The following LEPROTL1 variants were observed in gnomAD, a reference collection of about 807,000 sequenced individuals.
LEPROTL1 encodes the protein leptin receptor overlapping transcript-like 1.
In LEPROTL1, 6 loss-of-function variants were observed where a neutral mutation model predicts 15.4. The ratio of observed to expected loss-of-function variants is 0.39; its 90% CI spans 0.21 to 0.77. The LOEUF is 0.77. Ranked by LOEUF, LEPROTL1 falls within the 30% of genes least tolerant of loss-of-function variation. The pLI is 0.41. For synonymous variants in LEPROTL1, 56 were observed against 52.6 expected, an observed-to-expected ratio of 1.06 and a Z score of -0.28; for missense variants, 128 against 158.1, an observed-to-expected ratio of 0.81 and a Z score of 1.02.
At chr8:30,133,569 T>C (rs1803072204) in intron 4 of LEPROTL1, among the ~76,000 whole-genome samples, 1 of 152,170 alleles carries the variant, frequency 6.6e-6, no homozygotes, top group Non-Finnish European at 1.5e-5. Context: ...TGGGAAATTT[T>C]ACTTTAACAG....
chr8:30,121,958 G>T (rs750950860), intron 3 of LEPROTL1, among the ~76,000 whole-genome samples: 5 of 152,028 alleles, frequency 3.3e-5, no homozygotes, highest in Admixed American at 1.3e-4. Flanking sequence ...TTGAAGTCAG[G>T]AGTTCGAGAC....
downstream of LEPROTL1, among the ~76,000 whole-genome samples, chr8:30,108,995 C>A (rs1388373707): frequency 6.6e-6 from 1 of 152,100 alleles, no homozygotes; most frequent in Non-Finnish European, 1.5e-5. Flanking sequence ...AAACTCCTGG[C>A]CTCAAGCCAT....
At chr8:30,131,045 C>T (rs569870079) in intron 3 of LEPROTL1, among the ~76,000 whole-genome samples, 8 of 151,892 alleles carry the variant, frequency 5.3e-5, no homozygotes, top group Non-Finnish European at 1.2e-4. Flanking sequence ...CCGCCCGTCT[C>T]GGCCTCCCAA....
In LEPROTL1 at chr8:30,105,735, T is replaced by C. The variant is rs751823585; in HGVS notation, c.280-11T>C. On this transcript the variant is annotated splice_polypyrimidine_tract_variant and intron_variant, in intron 3 of 3. Coordinates refer to ENST00000321250, the MANE Select transcript of LEPROTL1 (RefSeq NM_015344.3). ...TCATGCCTGTTGACTGAGTGTATCT[T>C]ATTTCCATAGATTGAGTGGGGAGCT... is the stretch of plus-strand genomic sequence containing the variant. 6.2e-7 allele frequency: 1 copy of C among 1,602,560 alleles called. No individual in the cohort carries two copies. The highest frequency in any genetic ancestry group is 1.1e-5 in the South Asian group (1 of 90,156).
At chr8:30,131,153 A>C (rs1380393242) in intron 3 of LEPROTL1, among the ~76,000 whole-genome samples, 2 of 151,872 alleles carry the variant, frequency 1.3e-5, no homozygotes, top group African/African-American at 4.8e-5. Context: ...GTGCAGTGGC[A>C]CAATCACAGC....
At chr8:30,137,705 G>A, downstream of LEPROTL1, 2 of 577,844 alleles carry the variant, frequency 3.5e-6, no homozygotes, top group Non-Finnish European at 6.1e-6. Context: ...ACTCATTTTG[G>A]GAGGAACTTA....
chr8:30,111,777 G>A (rs1585469189), downstream of LEPROTL1, among the ~76,000 whole-genome samples: 3 of 152,174 alleles, frequency 2.0e-5, no homozygotes, highest in South Asian at 6.2e-4. Context: ...GTTTTCTGTT[G>A]CTCTGGTGGG....
At chr8:30,133,195 G>A (rs1024092115) in intron 4 of LEPROTL1, among the ~76,000 whole-genome samples, 1 of 152,130 alleles carries the variant, frequency 6.6e-6, no homozygotes. Flanking sequence ...GGGATTACAG[G>A]CATGAGCCAC....
rs1388159588 is a variant in LEPROTL1, at chr8:30,103,386, T to C, written c.93-914T>C. Among the ~76,000 whole-genome samples the C allele has an allele frequency of 3.9e-5, 6 of 152,184 alleles. No homozygotes were observed. In the South Asian group the frequency reaches 1.0e-3, roughly 26 times the overall value. On this transcript the variant is annotated intron_variant, in intron 2 of 3. Transcript: ENST00000321250. ...CTTTTAGTCTTTACTTTTTGTGCTT[T>C]TGTACTGTTTGAATTATTTTTCTTA... is the stretch of plus-strand genomic sequence containing the variant.
Position 30,105,877 on chromosome 8 carries a change from A to G in LEPROTL1, c.*15A>G, listed in dbSNP as rs1802556667. 6.0e-6 allele frequency: 9 copies of G among 1,503,790 alleles called. No individual in the cohort carries two copies. The highest frequency in any genetic ancestry group is 8.0e-6 in the Non-Finnish European group (9 of 1,125,434). The allele number at this position is 1,503,790 out of a possible 1,614,324, so 93.2% of individuals were successfully genotyped here. On this transcript the variant is annotated 3_prime_UTR_variant, in exon 4 of 4. Transcript: ENST00000321250. ...AGCAGTGGTGAAAAGAAATTACTGA[A>G]CTATTGTCAAATGGACTTCCTGTCA...
chr8:30,101,764 T>C lies in LEPROTL1; in HGVS notation c.17-134T>C, dbSNP rs201617741. 16 of 557,558 alleles carry C rather than the reference T, an allele frequency of 2.9e-5. No homozygotes were observed. In the East Asian group the frequency reaches 4.6e-4, roughly 16 times the overall value. The allele number at this position is 557,558 out of a possible 1,614,324, so 34.5% of individuals were successfully genotyped here. A position where few individuals can be genotyped will look rare whatever the true frequency, so the allele number is the denominator to read the frequency against. On this transcript the variant is annotated intron_variant, in intron 1 of 3. Coordinates refer to ENST00000321250, the MANE Select transcript of LEPROTL1 (RefSeq NM_015344.3). ...TATTCTAAGACTAGATAACTTACAC[T>C]TCTGATGGCAACTTGCTATTAATAC...
rs566650027 is a variant in LEPROTL1 at position 30,117,092 on chromosome 8, T to G, written c.279+12606T>G. Among the ~76,000 whole-genome samples the G allele has an allele frequency of 4.9e-4, 74 of 152,262 alleles. 2 individuals are homozygous for G. In the South Asian group the frequency reaches 0.015, roughly 30 times the overall value. On this transcript the variant is annotated intron_variant, in intron 3 of 4. Coordinates refer to the LEPROTL1 transcript ENST00000442880. ...TTTTCCCCTTTACACCTTCAAAATA[T>G]GCATACTGTTTGACCTACTAACTCC...
intron 3 of LEPROTL1, among the ~76,000 whole-genome samples, chr8:30,128,499 T>G (rs1585478375): frequency 6.6e-6 from 1 of 151,984 alleles, no homozygotes. Flanking sequence ...GGCTATAATC[T>G]CAGCATTTTG....
intron 3 of LEPROTL1, chr8:30,117,508 G>T: frequency 7.2e-7 from 1 of 1,393,814 alleles, no homozygotes; most frequent in Non-Finnish European, 1.0e-6. Flanking sequence ...CAGATTTTCT[G>T]CCATTTTTCC....
intron 3 of LEPROTL1, among the ~76,000 whole-genome samples, chr8:30,124,713 CAG>C (rs1802881888): frequency 6.6e-6 from 1 of 151,836 alleles, no homozygotes; most frequent in Non-Finnish European, 1.5e-5. Context: ...ACTATATAAA[CAG>C]AAAAAAGTAT....
chr8:30,118,959 A>C (rs1450599719), intron 3 of LEPROTL1, among the ~76,000 whole-genome samples: 1 of 152,128 alleles, frequency 6.6e-6, no homozygotes, highest in African/African-American at 2.4e-5. Context: ...CCTCCTCAGC[A>C]CAGACCATTC....
intron 1 of LEPROTL1, 109 bp from the exon 2 acceptor site, chr8:30,101,789 C>T (rs546532971): frequency 2.6e-5 from 16 of 606,466 alleles, no homozygotes; most frequent in Admixed American, 2.6e-4. Flanking sequence ...GCTATTAATA[C>T]GTTTTAGGGA....
In LEPROTL1 at chr8:30,107,707, G is replaced by A; in HGVS notation, c.*1845G>A. On this transcript the variant is annotated 3_prime_UTR_variant, in exon 4 of 4. Coordinates refer to ENST00000321250, the MANE Select transcript of LEPROTL1 (RefSeq NM_015344.3). ...GGTGCAGGTACACATGAGTTAGAGA[G>A]CTGGTGAGACAGTTGGGAACTCTTT... 1 of 985,482 alleles carries A rather than the reference G, an allele frequency of 1.0e-6. No individual in the cohort carries two copies. The highest frequency in any genetic ancestry group is 1.2e-6 in the Non-Finnish European group (1 of 829,938). The allele number at this position is 985,482 out of a possible 1,614,324, so 61.0% of individuals were successfully genotyped here. A position where few individuals can be genotyped will look rare whatever the true frequency, so the allele number is the denominator to read the frequency against.
downstream of LEPROTL1, among the ~76,000 whole-genome samples, chr8:30,111,188 T>C (rs539426091): frequency 6.6e-6 from 1 of 152,172 alleles, no homozygotes; most frequent in Non-Finnish European, 1.5e-5. Context: ...TTCCAAAACA[T>C]AAGCAAGAAT....
Sources: gnomAD v4.1 joint callset for allele counts (sites outside exome capture counted in the v4.1 genomes callset) on GRCh38, gnomAD v4.1.1 for gene constraint, MANE v1.5 for transcripts, NCBI Gene and HGNC (gene_info 2026-07-23, HGNC 2026-07-21) for gene names.